The following SHQ1 variants were observed in gnomAD, a reference collection of about 807,000 sequenced individuals.
The protein encoded by SHQ1 is protein SHQ1 homolog.
SHQ1 carries 49 observed loss-of-function variants against 53.8 expected under a neutral mutation model. The observed-to-expected ratio is 0.91, with a 90% CI of 0.72 to 1.16. The LOEUF (loss-of-function observed/expected upper bound fraction) is 1.16. Among genes scored for constraint, SHQ1 ranks in the 50% most tolerant of loss-of-function variants. SHQ1 has a pLI of 0.00. For synonymous variants in SHQ1, 243 were observed against 251.0 expected, an observed-to-expected ratio of 0.97 and a Z score of 0.30; for missense variants, 738 against 683.1, an observed-to-expected ratio of 1.08 and a Z score of -0.90.
the SHQ1 span, among the ~76,000 whole-genome samples, chr3:72,738,848 T>C: frequency 2.8e-4 from 42 of 152,196 alleles, no homozygotes; most frequent in Non-Finnish European, 5.1e-4. Flanking sequence ...GCACCTGCCC[T>C]GGGCCCCGCC....
At chr3:72,836,013 T>C (rs1356229153) in intron 4 of SHQ1, among the ~76,000 whole-genome samples, 2 of 152,362 alleles carry the variant, frequency 1.3e-5, no homozygotes, top group East Asian at 3.9e-4. Flanking sequence ...TCTATCATCT[T>C]CTTCACTGTA....
chr3:72,748,542 T>C (rs1575670725), downstream of SHQ1, among the ~76,000 whole-genome samples: 1 of 151,754 alleles, frequency 6.6e-6, no homozygotes, highest in East Asian at 2.0e-4. Context: ...AATACAAAAA[T>C]TAGCCCAGCA....
chr3:72,823,706 T>A (rs1707557640), intron 6 of SHQ1, among the ~76,000 whole-genome samples: 1 of 152,190 alleles, frequency 6.6e-6, no homozygotes, highest in East Asian at 1.9e-4. Flanking sequence ...AAAGCGACTG[T>A]TTAGATGTGG....
chr3:72,813,942 G>T (rs369966267), intron 8 of SHQ1, among the ~76,000 whole-genome samples: 38 of 150,210 alleles, frequency 2.5e-4, no homozygotes, highest in Non-Finnish European at 4.3e-4. Context: ...ATCTTGAACG[G>T]TATCAAACTG....
intron 10 of SHQ1, among the ~76,000 whole-genome samples, chr3:72,770,700 T>A (rs1352025585): frequency 1.3e-5 from 2 of 151,810 alleles, no homozygotes; most frequent in Non-Finnish European, 2.9e-5. Context: ...GAAGAGGGAA[T>A]CAGAACAATA....
chr3:72,805,563 T>C (rs1233907512), intron 9 of SHQ1, among the ~76,000 whole-genome samples: 1 of 152,194 alleles, frequency 6.6e-6, no homozygotes, highest in Non-Finnish European at 1.5e-5. Context: ...AAGCCATACA[T>C]TCAAACCATG....
chr3:72,725,279 C>A, the SHQ1 span, among the ~76,000 whole-genome samples: 1 of 152,148 alleles, frequency 6.6e-6, no homozygotes, highest in Non-Finnish European at 1.5e-5. Context: ...GCACCACGCA[C>A]ACTCAGGCTT....
intron 10 of SHQ1, chr3:72,753,233 C>T: frequency 2.0e-6 from 2 of 985,282 alleles, no homozygotes; most frequent in Non-Finnish European, 2.4e-6. Flanking sequence ...AATGAACATA[C>T]AAAACATTGA....
intron 9 of SHQ1, among the ~76,000 whole-genome samples, chr3:72,798,226 G>A (rs571108372): frequency 3.3e-5 from 5 of 152,242 alleles, no homozygotes; most frequent in Admixed American, 6.5e-5. Flanking sequence ...CAGTAACCAC[G>A]GTAACTATTT....
downstream of SHQ1, among the ~76,000 whole-genome samples, chr3:72,745,497 G>A (rs974559311): frequency 6.6e-6 from 1 of 152,152 alleles, no homozygotes; most frequent in Admixed American, 6.5e-5. Context: ...TAGAAGATGA[G>A]GCAGTGCTGT....
downstream of SHQ1, among the ~76,000 whole-genome samples, chr3:72,747,493 TGAAA>T (rs1426808050): frequency 6.6e-6 from 1 of 152,218 alleles, no homozygotes; most frequent in Non-Finnish European, 1.5e-5. Flanking sequence ...TCTACTGCTT[TGAAA>T]GACTTTCCAT....
intron 10 of SHQ1, chr3:72,753,266 GAC>G: frequency 2.0e-6 from 2 of 985,434 alleles, no homozygotes; most frequent in Non-Finnish European, 2.4e-6. Flanking sequence ...CAAACTGGAT[GAC>G]GGTGAGTTTA....
chr3:72,759,229 A>C (rs1370498652), intron 10 of SHQ1, among the ~76,000 whole-genome samples: 1 of 152,224 alleles, frequency 6.6e-6, no homozygotes, highest in Non-Finnish European at 1.5e-5. Context: ...CTGCAAGGAC[A>C]TGAAGTTTGG....
At chr3:72,798,741 G>A (rs1256018292) in intron 9 of SHQ1, among the ~76,000 whole-genome samples, 1 of 152,232 alleles carries the variant, frequency 6.6e-6, no homozygotes, top group Non-Finnish European at 1.5e-5. Context: ...CTCATGGCTG[G>A]AGGCACTTAA....
At chr3:72,821,691 A>G (rs1707485610) in intron 6 of SHQ1, among the ~76,000 whole-genome samples, 1 of 152,244 alleles carries the variant, frequency 6.6e-6, no homozygotes, top group African/African-American at 2.4e-5. Context: ...AGCCCACGCT[A>G]TGACACAAAG....
chr3:72,848,227 G>C lies in SHQ1; in HGVS notation c.114C>G (p.Phe38Leu), dbSNP rs768322266. 6.2e-7 allele frequency: 1 copy of C among 1,614,202 alleles called. No homozygotes were observed. The highest frequency in any genetic ancestry group is 8.5e-7 in the Non-Finnish European group (1 of 1,180,038). The change falls in exon 1 of 11, where the codon TTC becomes TTG. Residue 38 changes from phenylalanine to leucine, a missense_variant. Coordinates refer to ENST00000325599, the MANE Select transcript of SHQ1 (RefSeq NM_018130.3). ...GAAAGTATGGCTTGGCGTAGAACTT[G>C]AAGTCAGACCCCTCGAAGTAGACGT... is the stretch of plus-strand genomic sequence containing the variant. Reference protein sequence around the residue: ...EFDVYFEGSDFKFYAKPYFLR... With the variant: ...EFDVYFEGSDLKFYAKPYFLR...
At chr3:72,819,922 T>C (rs979092873) in intron 6 of SHQ1, among the ~76,000 whole-genome samples, 16 of 152,226 alleles carry the variant, frequency 1.1e-4, no homozygotes, top group African/African-American at 3.6e-4. Context: ...AAATATTTTA[T>C]GACTCCTTGT....
intron 1 of SHQ1, among the ~76,000 whole-genome samples, chr3:72,845,856 C>G (rs1200748580): frequency 6.6e-6 from 1 of 152,186 alleles, no homozygotes; most frequent in Non-Finnish European, 1.5e-5. Context: ...ATGAAAATCC[C>G]TCTAAGCCAG....
In SHQ1 at chr3:72,749,340, T is replaced by C. The variant is rs965055934; in HGVS notation, c.*944A>G. ...CCCCAAACTGGAAACAACCCAGGTG[T>C]CCATCGATAGGTCAATGAACAAATC... On this transcript the variant is annotated 3_prime_UTR_variant, in exon 11 of 11. Transcript: ENST00000325599. 4.4e-6 allele frequency: 1 copy of C among 229,754 alleles called. No individual in the cohort carries two copies. Among genetic ancestry groups the C allele is most frequent in the Non-Finnish European group, 8.6e-6 (1 of 115,902 alleles). 14.2% of individuals were successfully genotyped at this position (229,754 alleles called of 1,614,324 possible).
Sources: gnomAD v4.1 joint callset for allele counts (sites outside exome capture counted in the v4.1 genomes callset) on GRCh38, gnomAD v4.1.1 for gene constraint, MANE v1.5 for transcripts, NCBI Gene and HGNC (gene_info 2026-07-23, HGNC 2026-07-21) for gene names.